The following GFRA1 variants were observed in gnomAD, a reference collection of about 807,000 sequenced individuals.
The protein encoded by GFRA1 is GDNF family receptor alpha 1.
GFRA1 carries 16 observed loss-of-function variants against 51.6 expected under a neutral mutation model. The ratio of observed to expected loss-of-function variants is 0.31; its 90% CI spans 0.21 to 0.47. GFRA1 has a LOEUF of 0.47. GFRA1 is among the 20% of genes least tolerant of loss of function. The probability of loss-of-function intolerance (pLI) is 1.00; values close to 1 mark genes in which losing one functional copy is unlikely to be tolerated. For synonymous variants in GFRA1, 270 were observed against 241.3 expected (o/e 1.12, Z -1.10); for missense variants, 530 against 594.3 (o/e 0.89, Z 1.13).
At chr10:116,075,065 G>A (rs1174807526) in intron 9 of GFRA1, among the ~76,000 whole-genome samples, 1 of 152,102 alleles carries the variant, frequency 6.6e-6, no homozygotes, top group Non-Finnish European at 1.5e-5. Context: ...ATTGTCCAAG[G>A]GCTGAATTAC....
intron 5 of GFRA1, among the ~76,000 whole-genome samples, chr10:116,198,959 G>C (rs1409057953): frequency 6.6e-6 from 1 of 152,166 alleles, no homozygotes; most frequent in East Asian, 1.9e-4. Context: ...AAGATATCCA[G>C]AGACATACAG....
chr10:116,211,657 G>T lies in GFRA1; in HGVS notation c.419-12C>A. 6.5e-7 allele frequency: 1 copy of T among 1,549,280 alleles called. No homozygotes were observed. Among genetic ancestry groups the T allele is most frequent in the Non-Finnish European group, 8.7e-7 (1 of 1,145,002 alleles). ...TTGCTGAAAAACATCTGCCAAGAAA[G>T]AAGAAAAGTAGGGGAGGGGAGAGGG... is the stretch of plus-strand genomic sequence containing the variant. On this transcript the variant is annotated splice_polypyrimidine_tract_variant and intron_variant, in intron 4 of 10. Coordinates refer to ENST00000355422, the MANE Select transcript of GFRA1 (RefSeq NM_005264.8).
chr10:116,207,907 G>A (rs921099867), intron 5 of GFRA1, among the ~76,000 whole-genome samples: 3 of 152,086 alleles, frequency 2.0e-5, no homozygotes, highest in South Asian at 2.1e-4. Context: ...AGTTAGAGCC[G>A]CCCACTCAGC....
chr10:116,244,362 TTTAA>T (rs1166052636), intron 4 of GFRA1, among the ~76,000 whole-genome samples: 24 of 91,488 alleles, frequency 2.6e-4, no homozygotes. Context: ...TTCATTTAAC[TTTAA>T]TAATTAAAAT....
At position 116,225,417 on chromosome 10, in the gene GFRA1, C is replaced by T. The variant is rs187825628; in HGVS notation, c.419-13772G>A. 2.6e-5 allele frequency among the ~76,000 whole-genome samples: 4 copies of T among 150,964 alleles called. No homozygotes were observed. In the East Asian group the frequency reaches 8.1e-4, roughly 31 times the overall value. On this transcript the variant is annotated intron_variant, in intron 4 of 10. Transcript: ENST00000355422. ...GGGTGTGGTGGCACGCACTTATAGT[C>T]CCTGCTACTCGGGAGGCTGAGGCAG...
intron 5 of GFRA1, among the ~76,000 whole-genome samples, chr10:116,170,595 AC>A (rs1960928641): frequency 6.6e-6 from 1 of 152,176 alleles, no homozygotes; most frequent in South Asian, 2.1e-4. Context: ...CTACCCCATG[AC>A]TTTTCATGGA....
chr10:116,238,701 TTAATC>T (rs1380134763), intron 4 of GFRA1, among the ~76,000 whole-genome samples: 3 of 152,220 alleles, frequency 2.0e-5, no homozygotes. Context: ...TCTAATCCAT[TTAATC>T]TAAAATCTAT....
intron 4 of GFRA1, among the ~76,000 whole-genome samples, chr10:116,220,850 T>C (rs1216234954): frequency 1.3e-5 from 2 of 152,178 alleles, no homozygotes; most frequent in African/African-American, 2.4e-5. Context: ...GTTCTAAAAC[T>C]ATAATGAACA....
intron 5 of GFRA1, among the ~76,000 whole-genome samples, chr10:116,142,588 G>A (rs1179386029): frequency 1.3e-5 from 2 of 152,214 alleles, no homozygotes; most frequent in Non-Finnish European, 2.9e-5. Context: ...CTAAAAATTT[G>A]AATTAATATG....
chr10:116,217,835 C>A (rs1045917555), intron 4 of GFRA1, among the ~76,000 whole-genome samples: 6 of 152,148 alleles, frequency 3.9e-5, no homozygotes, highest in African/African-American at 1.4e-4. Flanking sequence ...TATAAGAGAA[C>A]ACGATAACTG....
chr10:116,245,239 C>T (rs76612053), intron 4 of GFRA1, among the ~76,000 whole-genome samples: 1 of 152,278 alleles, frequency 6.6e-6, no homozygotes, highest in East Asian at 1.9e-4. Context: ...AAGAAAACGA[C>T]TCAATTTTTA....
chr10:116,171,046 C>T lies in GFRA1; in HGVS notation c.433+40585G>A, dbSNP rs545058854. On this transcript the variant is annotated intron_variant, in intron 5 of 10. Transcript: ENST00000355422. The stretch of plus-strand genomic sequence containing the variant: ...AAAGCTGTCAATTAGGAAAACCTCT[C>T]TCCCTGACAGTCAGGAACTGCATCC... 2.6e-5 allele frequency among the ~76,000 whole-genome samples: 4 copies of T among 152,318 alleles called. No homozygotes were observed. In the East Asian group the frequency reaches 7.7e-4, roughly 29 times the overall value.
intron 4 of GFRA1, among the ~76,000 whole-genome samples, chr10:116,266,888 T>C (rs1969699662): frequency 6.6e-6 from 1 of 152,214 alleles, no homozygotes; most frequent in Admixed American, 6.5e-5. Context: ...CAACCTTTTC[T>C]CAGATCCATG....
chr10:116,122,582 G>C (rs1957691721), intron 6 of GFRA1, among the ~76,000 whole-genome samples: 1 of 152,184 alleles, frequency 6.6e-6, no homozygotes, highest in Non-Finnish European at 1.5e-5. Context: ...AAAGCAATTT[G>C]ATCTAATGAA....
rs3032041 is a variant in GFRA1 at position 116,251,963 on chromosome 10, C to CTTTTTTT, written c.418+17533_418+17539dup. Among the ~76,000 whole-genome samples the CTTTTTTT allele has an allele frequency of 2.0e-3, 157 of 79,804 alleles. 10 individuals are homozygous for CTTTTTTT. Among genetic ancestry groups the CTTTTTTT allele is most frequent in the South Asian group, 9.2e-3 (14 of 1,526 alleles). 52.4% of individuals were successfully genotyped at this position (79,804 alleles called of 152,430 possible). On this transcript the variant is annotated intron_variant, in intron 4 of 10. Coordinates refer to ENST00000355422, the MANE Select transcript of GFRA1 (RefSeq NM_005264.8). ...AGAGGACACAGACAACAATAGGCCT[C>CTTTTTTT]TTTTTTTTTTTTTTTTTTTTTTTTT... is the stretch of plus-strand genomic sequence containing the variant.
rs186230657 is a variant in GFRA1 at position 116,208,230 on chromosome 10, T to G, written c.433+3401A>C. 4.6e-5 allele frequency among the ~76,000 whole-genome samples: 7 copies of G among 152,118 alleles called. No individual in the cohort carries two copies. In the South Asian group the frequency reaches 1.5e-3, roughly 32 times the overall value. On this transcript the variant is annotated intron_variant, in intron 5 of 10. Transcript: ENST00000355422. The stretch of plus-strand genomic sequence containing the variant: ...GTAACTGGCCCTACTTGTCATTCTC[T>G]GGCCACTCCTTCTGCAGTGGTCCTA...
At position 116,272,118 on chromosome 10, in the gene GFRA1, C is replaced by CAG; in HGVS notation, c.-90_-89insCT. 9.0e-7 allele frequency: 1 copy of CAG among 1,113,398 alleles called. No individual in the cohort carries two copies. The highest frequency in any genetic ancestry group is 1.3e-6 in the Non-Finnish European group (1 of 749,526). 69.0% of individuals were successfully genotyped at this position (1,113,398 alleles called of 1,614,324 possible). A position where few individuals can be genotyped will look rare whatever the true frequency, so the allele number is the denominator to read the frequency against. ...CGAGGGAGCTCAGCGTGCAGCGATCCCCGGACAGCTGTGCTGCTCTGGCCG... is the reference window on the plus strand; with the variant it reads ...CGAGGGAGCTCAGCGTGCAGCGATCCAGCCGGACAGCTGTGCTGCTCTGGCCG... On this transcript the variant is annotated 5_prime_UTR_variant, in exon 2 of 11. The change abolishes the stop of an existing upstream ORF in the 5' untranslated region. Coordinates refer to ENST00000355422, the MANE Select transcript of GFRA1 (RefSeq NM_005264.8). The surrounding 1 kb of genome is among the most constrained non-coding windows in gnomAD (Gnocchi z 4.4).
At chr10:116,185,955 CCT>C in intron 5 of GFRA1, among the ~76,000 whole-genome samples, 1 of 152,110 alleles carries the variant, frequency 6.6e-6, no homozygotes, top group South Asian at 2.1e-4. Context: ...GTCTGGTATA[CCT>C]CCAGGAAAGC....
At chr10:116,105,875 T>C (rs1027033825) in intron 6 of GFRA1, among the ~76,000 whole-genome samples, 15 of 152,154 alleles carry the variant, frequency 9.9e-5, no homozygotes, top group African/African-American at 3.4e-4. Flanking sequence ...CTCAAAGGCA[T>C]CTGGACCTGA....
Sources: allele counts gnomAD v4.1 joint callset (sites outside exome capture counted in the v4.1 genomes callset), GRCh38; gene constraint gnomAD v4.1.1; non-coding constraint Gnocchi (gnomAD v3.1); transcripts MANE v1.5; gene names NCBI Gene and HGNC (gene_info 2026-07-23, HGNC 2026-07-21).